Variants in FER1L6 observed in about 807,000 individuals in gnomAD.
FER1L6 encodes fer-1-like protein 6.
In FER1L6, 177 loss-of-function variants were observed where a neutral mutation model predicts 219.2. The ratio of observed to expected loss-of-function variants is 0.81; its 90% CI spans 0.71 to 0.91. The LOEUF is 0.91. Among genes scored for constraint, FER1L6 ranks in the 40% least tolerant of loss-of-function variants. The pLI, the probability that FER1L6 is intolerant of heterozygous loss-of-function variation, is 0.00. For synonymous variants in FER1L6, 768 were observed against 824.3 expected (o/e 0.93, Z 1.17); for missense variants, 2,153 against 2,259.9 (o/e 0.95, Z 0.96).
intron 31 of FER1L6, among the ~76,000 whole-genome samples, chr8:124,072,099 T>G (rs1011478801): frequency 6.6e-6 from 1 of 152,202 alleles, no homozygotes; most frequent in South Asian, 2.1e-4. Context: ...CTGTTCCGTC[T>G]GTGTAGTTTT....
intron 1 of FER1L6, among the ~76,000 whole-genome samples, chr8:123,900,698 G>A (rs139529305): frequency 1.3e-5 from 2 of 152,274 alleles, no homozygotes; most frequent in African/African-American, 4.8e-5. Flanking sequence ...TTTGCTGAGA[G>A]TTTTAATCAT....
intron 34 of FER1L6, among the ~76,000 whole-genome samples, chr8:124,093,376 A>G (rs28550456): frequency 0.83 from 125,198 of 151,074 alleles, 52,265 homozygotes; most frequent in Non-Finnish European, 0.89. Context: ...TTTTGATGCA[A>G]TGAGCCAAGG....
chr8:124,074,870 C>A (rs1821214795), intron 31 of FER1L6, among the ~76,000 whole-genome samples: 1 of 151,968 alleles, frequency 6.6e-6, no homozygotes, highest in East Asian at 1.9e-4. Context: ...CTACTGTAGG[C>A]AATTTTAACA....
chr8:123,932,265 C>A (rs1406416092), intron 1 of FER1L6, among the ~76,000 whole-genome samples: 4 of 152,022 alleles, frequency 2.6e-5, no homozygotes, highest in African/African-American at 7.2e-5. Flanking sequence ...CACACCACCA[C>A]ACCCAGCTAA....
intron 12 of FER1L6, among the ~76,000 whole-genome samples, chr8:124,002,172 G>A (rs894158500): frequency 2.6e-5 from 4 of 152,246 alleles, no homozygotes; most frequent in Non-Finnish European, 5.9e-5. Flanking sequence ...CTTCTGTGGA[G>A]AGACAGACTC....
rs149971705 is a variant in FER1L6, at chr8:123,853,628, G to GTA, written c.-8+1444_-8+1445dup. Among the ~76,000 whole-genome samples, 323 of 152,276 alleles carry GTA rather than the reference G, an allele frequency of 2.1e-3. 2 individuals are homozygous for GTA. In the East Asian group the frequency reaches 0.029, roughly 13 times the overall value. ...TGGATGAGTAGAGAAAAAGGGGTAGGTACGCCTCACCACGGGCAAGCGTGG... is the reference window on the plus strand; with the variant it reads ...TGGATGAGTAGAGAAAAAGGGGTAGGTATACGCCTCACCACGGGCAAGCGTGG... On this transcript the variant is annotated intron_variant, in intron 1 of 40. Coordinates refer to ENST00000522917, the MANE Select transcript of FER1L6 (RefSeq NM_001039112.2). The surrounding 1 kb of genome is among the most constrained non-coding windows in gnomAD (Gnocchi z 6.6).
rs1823417652 is a variant in FER1L6 at position 124,119,907 on chromosome 8, C to A, written c.*117C>A. 1.9e-6 allele frequency: 2 copies of A among 1,063,192 alleles called. No individual in the cohort carries two copies. Among genetic ancestry groups the A allele is most frequent in the Non-Finnish European group, 2.6e-6 (2 of 757,554 alleles). 65.9% of individuals were successfully genotyped at this position (1,063,192 alleles called of 1,614,324 possible). ...GCTGAGTGCTAAGGGGACAGATCAA[C>A]CCTTCTTGGAAGAGATGGAAAAGAA... is the stretch of plus-strand genomic sequence containing the variant. On this transcript the variant is annotated 3_prime_UTR_variant, in exon 41 of 41. Coordinates refer to ENST00000522917, the MANE Select transcript of FER1L6 (RefSeq NM_001039112.2).
chr8:123,958,387 G>T (rs1815112324), intron 2 of FER1L6, among the ~76,000 whole-genome samples: 1 of 152,146 alleles, frequency 6.6e-6, no homozygotes, highest in Non-Finnish European at 1.5e-5. Context: ...AGGCGTGGGA[G>T]GGAGGAGCAT....
chr8:123,894,852 C>T (rs1812718861), intron 1 of FER1L6, among the ~76,000 whole-genome samples: 1 of 152,070 alleles, frequency 6.6e-6, no homozygotes, highest in South Asian at 2.1e-4. Flanking sequence ...ATCAAATAGC[C>T]ATGGTAATGA....
At chr8:123,871,532 G>A (rs552847218) in intron 1 of FER1L6, among the ~76,000 whole-genome samples, 37 of 152,160 alleles carry the variant, frequency 2.4e-4, no homozygotes, top group East Asian at 3.9e-4. Flanking sequence ...AAAGAGGTTC[G>A]CATGACCAAG....
chr8:123,862,298 G>T (rs7816396), intron 1 of FER1L6, among the ~76,000 whole-genome samples: 8,575 of 62,092 alleles, frequency 0.14, 440 homozygotes, highest in Middle Eastern at 0.19. Flanking sequence ...TTTGCGTATA[G>T]TGAACCAGCC....
chr8:123,969,287 A>G (rs1815692279), intron 5 of FER1L6, among the ~76,000 whole-genome samples: 1 of 152,224 alleles, frequency 6.6e-6, no homozygotes, highest in Admixed American at 6.5e-5. Context: ...CCTCATGTCC[A>G]TAGATTTTTG....
In FER1L6 at chr8:124,061,951, A is replaced by G. The variant is rs756688882; in HGVS notation, c.3247A>G (p.Asn1083Asp). ...TACCCTTGTGGGCACCTACACCATC[A>G]ACTACTTGAAGCAGTTTTTGTGTAA... ...RSTLVGTYTI[N>D]YLKQFLCKLR... Residue 1083 changes from asparagine to aspartate, a missense_variant, in exon 25 of 41, where the codon AAC becomes GAC. Coordinates refer to ENST00000522917, the MANE Select transcript of FER1L6 (RefSeq NM_001039112.2). 1.9e-6 allele frequency: 3 copies of G among 1,614,156 alleles called. No individual in the cohort carries two copies. In the South Asian group the frequency reaches 3.3e-5, roughly 18 times the overall value.
At chr8:123,879,805 T>C (rs1817074391) in intron 1 of FER1L6, among the ~76,000 whole-genome samples, 1 of 152,070 alleles carries the variant, frequency 6.6e-6, no homozygotes, top group Admixed American at 6.5e-5. Flanking sequence ...TCTCTCAGGG[T>C]CGAATGCTCT....
At chr8:123,921,052 A>G (rs1813346220) in intron 1 of FER1L6, among the ~76,000 whole-genome samples, 1 of 152,202 alleles carries the variant, frequency 6.6e-6, no homozygotes, top group Non-Finnish European at 1.5e-5. Flanking sequence ...AGTACATTAT[A>G]TGTCTATATC....
chr8:124,089,083 C>T (rs932090130), intron 33 of FER1L6, among the ~76,000 whole-genome samples: 1 of 152,170 alleles, frequency 6.6e-6, no homozygotes, highest in East Asian at 1.9e-4. Context: ...GAATTTCAGT[C>T]CCTGTGGCCA....
rs1419520199 is a variant in FER1L6 at position 124,076,308 on chromosome 8, G to C, written c.4203G>C (p.Leu1401=). ...KDRDKYIPKQ[L]NPVFGRSFEI... is the part of the protein sequence containing the mutation. Reference sequence around the variant, plus strand: ...GGGATAAATACATCCCTAAACAACTGAACCCAGTATTTGGAAGGTCAGTGG... The same window carrying C: ...GGGATAAATACATCCCTAAACAACTCAACCCAGTATTTGGAAGGTCAGTGG... The change falls in exon 32 of 41, where the codon CTG becomes CTC. Residue 1401 remains leucine (L), a synonymous_variant. Transcript: ENST00000522917. The C allele has an allele frequency of 6.2e-7, 1 of 1,613,702 alleles. No homozygotes were observed. The highest frequency in any genetic ancestry group is 8.5e-7 in the Non-Finnish European group (1 of 1,179,678).
chr8:124,027,399 A>G (rs1818754353), intron 18 of FER1L6, among the ~76,000 whole-genome samples: 1 of 152,224 alleles, frequency 6.6e-6, no homozygotes, highest in African/African-American at 2.4e-5. Flanking sequence ...AATAAATGCA[A>G]GTAAAGAACA....
At chr8:123,859,977 TA>T (rs1263684143) in intron 1 of FER1L6, among the ~76,000 whole-genome samples, 37 of 126,648 alleles carry the variant, frequency 2.9e-4, no homozygotes, top group African/African-American at 9.7e-4. Context: ...TTACTATTAT[TA>T]TTATTATTTT....
Sources: gnomAD v4.1 joint callset for allele counts (sites outside exome capture counted in the v4.1 genomes callset) on GRCh38, gnomAD v4.1.1 for gene constraint, Gnocchi (gnomAD v3.1) non-coding constraint, MANE v1.5 for transcripts, NCBI Gene and HGNC (gene_info 2026-07-23, HGNC 2026-07-21) for gene names.